The following ERRFI1 variants were observed in gnomAD, a reference collection of about 807,000 sequenced individuals.
ERRFI1 encodes mitogen-inducible gene 6 protein.
A neutral mutation model predicts 14.6 loss-of-function variants in ERRFI1; 12 were observed. The ratio of observed to expected loss-of-function variants is 0.82; its 90% CI spans 0.53 to 1.33. The LOEUF (loss-of-function observed/expected upper bound fraction) is 1.33. Among genes scored for constraint, ERRFI1 ranks in the 40% most tolerant of loss-of-function variants. The pLI, the probability that ERRFI1 is intolerant of heterozygous loss-of-function variation, is 0.00. For synonymous variants in ERRFI1, 202 were observed against 209.9 expected (o/e 0.96, Z 0.32); for missense variants, 482 against 572.1 (o/e 0.84, Z 1.61).
rs1641088836 is a variant in ERRFI1 at position 8,011,850 on chromosome 1, A to G, written c.*1360T>C. On this transcript the variant is annotated 3_prime_UTR_variant, in exon 4 of 4. Transcript: ENST00000377482. ...TGCAGAAATCAGTGCATTTTTCTTA[A>G]GCATGTTTTAACCTTCATTTAGTTC... 1 of 220,086 alleles carries G rather than the reference A, an allele frequency of 4.5e-6. No homozygotes were observed. The highest frequency in any genetic ancestry group is 2.2e-5 in the African/African-American group (1 of 44,674). 13.6% of individuals were successfully genotyped at this position (220,086 alleles called of 1,614,324 possible).
chr1:8,024,638 G>A (rs1375178526), intron 1 of ERRFI1, among the ~76,000 whole-genome samples: 2 of 152,154 alleles, frequency 1.3e-5, no homozygotes, highest in African/African-American at 4.8e-5. Context: ...GAACACACAG[G>A]TGAAAATAAA....
At chr1:8,016,544 A>G (rs1298816682) in intron 1 of ERRFI1, among the ~76,000 whole-genome samples, 1 of 152,182 alleles carries the variant, frequency 6.6e-6, no homozygotes, top group East Asian at 1.9e-4. Flanking sequence ...AGGACCGCCA[A>G]TCCCCTTTGT....
Position 8,014,141 on chromosome 1 carries a change from A to G in ERRFI1, c.458T>C (p.Leu153Pro). The change falls in exon 4 of 4, where the codon CTT becomes CCT. Residue 153 changes from leucine (L) to proline (P), a missense_variant. Transcript: ENST00000377482. ...APLCERGSRPLPPLPISEALS... is the reference protein window; with the variant it reads ...APLCERGSRPPPPLPISEALS... ...GGCTTCAGAGATTGGCAACGGTGGA[A>G]GAGGCCTAGAACCCCGTTCACAAAG... The G allele has an allele frequency of 6.2e-7, 1 of 1,614,160 alleles. No homozygotes were observed. The highest frequency in any genetic ancestry group is 1.1e-5 in the South Asian group (1 of 91,084).
At position 8,013,350 on chromosome 1, in the gene ERRFI1, TTTC is replaced by T; in HGVS notation, c.1246_1248del (p.Glu416del). ...GGCTGGATTTGGGCGCCTCCATTTGTTTCTTCTGCTTCCCTAAAAAATTTTTCA... is the reference window on the plus strand; with the variant it reads ...GGCTGGATTTGGGCGCCTCCATTTGTTTCTGCTTCCCTAAAAAATTTTTCA... On this transcript the variant is annotated inframe_deletion, in exon 4 of 4. Coordinates refer to ENST00000377482, the MANE Select transcript of ERRFI1 (RefSeq NM_018948.4). The surrounding 1 kb of genome is among the most constrained non-coding windows in gnomAD (Gnocchi z 4.3). 6.2e-7 allele frequency: 1 copy of T among 1,614,220 alleles called. No homozygotes were observed. Among genetic ancestry groups the T allele is most frequent in the Non-Finnish European group, 8.5e-7 (1 of 1,180,048 alleles).
rs557048718 is a variant in ERRFI1, at chr1:8,015,021, G to A, written c.202+287C>T. On this transcript the variant is annotated intron_variant, in intron 3 of 3. Transcript: ENST00000377482. ...GAAATCTCGCCTAAGGTTTCATGAA[G>A]TAAAGTATGCATCAGAGCTGGAATG... The A allele has an allele frequency of 2.4e-4, 84 of 349,254 alleles. 1 individual carries two copies. The highest frequency in any genetic ancestry group is 1.0e-3 in the South Asian group (16 of 15,500). The allele number at this position is 349,254 out of a possible 1,614,324, so 21.6% of individuals were successfully genotyped here.
At chr1:8,017,750 T>C (rs1641198580) in intron 1 of ERRFI1, among the ~76,000 whole-genome samples, 1 of 152,184 alleles carries the variant, frequency 6.6e-6, no homozygotes, top group Admixed American at 6.5e-5. Flanking sequence ...TGCAGGGGAT[T>C]CTGCAGGCCC....
Position 8,013,462 on chromosome 1 carries a change from A to T in ERRFI1, c.1137T>A (p.Ile379=). Residue 379 remains isoleucine, a synonymous_variant, in exon 4 of 4, where the codon ATT becomes ATA. Coordinates refer to ENST00000377482, the MANE Select transcript of ERRFI1 (RefSeq NM_018948.4). This position sits in a 1 kb window ranked among gnomAD's most constrained non-coding sequence, Gnocchi z 4.3. The part of the protein sequence containing the change: ...SEGSASKVPC[I]LPIIENGKKV... ...TCTTCCCATTTTCAATAATGGGCAG[A>T]ATGCAAGGAACCTTACTGGCAGATC... 1.2e-6 allele frequency: 2 copies of T among 1,614,256 alleles called. No homozygotes were observed. Among genetic ancestry groups the T allele is most frequent in the Non-Finnish European group, 1.7e-6 (2 of 1,180,046 alleles).
chr1:8,023,301 CAG>C (rs1034334664), intron 1 of ERRFI1, among the ~76,000 whole-genome samples: 3 of 152,106 alleles, frequency 2.0e-5, no homozygotes, highest in African/African-American at 4.8e-5. Flanking sequence ...TTTTTAAAGA[CAG>C]AGTCTCACTC....
At chr1:8,015,750 G>T in intron 1 of ERRFI1, 58 bp from the exon 2 acceptor site, 2 of 1,151,388 alleles carry the variant, frequency 1.7e-6, no homozygotes, top group Non-Finnish European at 1.2e-6. Context: ...CCTCCATTAG[G>T]ACAGTCTAAA....
intron 1 of ERRFI1, among the ~76,000 whole-genome samples, chr1:8,025,507 C>A (rs1641332142): frequency 6.6e-6 from 1 of 152,302 alleles, no homozygotes; most frequent in African/African-American, 2.4e-5. Flanking sequence ...GCATTACCAT[C>A]GTCGCTGTGA....
intron 1 of ERRFI1, among the ~76,000 whole-genome samples, chr1:8,021,861 G>A (rs912575943): frequency 1.8e-4 from 28 of 152,256 alleles, no homozygotes; most frequent in Admixed American, 8.5e-4. Context: ...TAGACAGCCC[G>A]GCCTCAGTGT....
At chr1:8,018,346 G>T (rs1460821815) in intron 1 of ERRFI1, among the ~76,000 whole-genome samples, 1 of 118,674 alleles carries the variant, frequency 8.4e-6, no homozygotes, top group East Asian at 2.8e-4. Flanking sequence ...AAACCTTCTA[G>T]TATTCAGCAC....
rs760895809 is a variant in ERRFI1 at position 8,015,509 on chromosome 1, G to A, written c.111C>T (p.Arg37=). 10 of 1,614,024 alleles carry A rather than the reference G, an allele frequency of 6.2e-6. No homozygotes were observed. The highest frequency in any genetic ancestry group is 1.7e-5 in the Admixed American group (1 of 60,006). ...GNMRKTYWSS[R]SEFKNNFLNI... is the part of the protein sequence containing the mutation. ...CCTCTACTTACTTTTTAAACTCACT[G>A]CGACTGCTCCAGTAGGTCTTCCTCA... The change falls in exon 2 of 4, where the codon CGC becomes CGT. Residue 37 remains arginine, a synonymous_variant. Coordinates refer to ENST00000377482, the MANE Select transcript of ERRFI1 (RefSeq NM_018948.4).
At chr1:8,023,735 C>A (rs2124078326) in intron 1 of ERRFI1, among the ~76,000 whole-genome samples, 1 of 152,306 alleles carries the variant, frequency 6.6e-6, no homozygotes, top group South Asian at 2.1e-4. Flanking sequence ...TCTGAACCCC[C>A]CTCAGTAACT....
rs929343370 is a variant in ERRFI1, at chr1:8,026,280, T to G, written c.-196A>C. 6 of 152,968 alleles carry G rather than the reference T, an allele frequency of 3.9e-5. No individual in the cohort carries two copies. The highest frequency in any genetic ancestry group is 2.0e-4 in the Admixed American group (3 of 15,274). The allele number at this position is 152,968 out of a possible 1,614,324, so 9.5% of individuals were successfully genotyped here. ...GCCTCTTGCTGGCTCGCGCTCCCGC[T>G]AGCACTCTGCCTCGCACCGGACCGC... On this transcript the variant is annotated 5_prime_UTR_variant, in exon 1 of 4. Transcript: ENST00000377482.
chr1:8,015,583 C>A lies in ERRFI1; in HGVS notation c.37G>T (p.Val13Phe), dbSNP rs1248113308. The A allele has an allele frequency of 1.2e-6, 2 of 1,614,150 alleles. No individual in the cohort carries two copies. The highest frequency in any genetic ancestry group is 8.5e-7 in the Non-Finnish European group (1 of 1,179,994). ...IAGVAAQEIR[V>F]PLKTGFLHNG... is the part of the protein sequence containing the mutation. ...TGTAGAAATCCAGTTTTTAATGGGA[C>A]TCTGATCTCCTGAGCAGCAACTCCT... is the stretch of plus-strand genomic sequence containing the variant. Residue 13 changes from valine (V) to phenylalanine (F), a missense_variant, in exon 2 of 4, where the codon GTC becomes TTC. Coordinates refer to ENST00000377482, the MANE Select transcript of ERRFI1 (RefSeq NM_018948.4).
intron 1 of ERRFI1, among the ~76,000 whole-genome samples, chr1:8,017,080 A>C (rs1641185810): frequency 6.6e-6 from 1 of 152,164 alleles, no homozygotes; most frequent in South Asian, 2.1e-4. Flanking sequence ...ATGATTGTAT[A>C]ATACCATCTA....
At chr1:8,024,758 A>G (rs1304292236) in intron 1 of ERRFI1, among the ~76,000 whole-genome samples, 4 of 152,212 alleles carry the variant, frequency 2.6e-5, no homozygotes, top group African/African-American at 4.8e-5. Context: ...GCTTGATAAC[A>G]TATTGGTAAC....
intron 1 of ERRFI1, among the ~76,000 whole-genome samples, chr1:8,016,893 G>A (rs572563516): frequency 6.6e-6 from 1 of 151,172 alleles, no homozygotes; most frequent in South Asian, 2.1e-4. Context: ...TGGGGGAGAG[G>A]TACACAGGTT....
Sources: allele counts gnomAD v4.1 joint callset (sites outside exome capture counted in the v4.1 genomes callset), GRCh38; gene constraint gnomAD v4.1.1; non-coding constraint Gnocchi (gnomAD v3.1); transcripts MANE v1.5; gene names NCBI Gene and HGNC (gene_info 2026-07-23, HGNC 2026-07-21).